Variants in GRID2 observed in about 807,000 individuals in gnomAD.
The protein encoded by GRID2 is glutamate receptor ionotropic, delta-2.
GRID2 carries 33 observed loss-of-function variants against 114.8 expected under a neutral mutation model. That is an observed-to-expected ratio of 0.29 (90% CI 0.22 to 0.38). The LOEUF (loss-of-function observed/expected upper bound fraction) is 0.38, where lower values mean the gene tolerates loss of function less well. GRID2 is among the 10% of genes least tolerant of loss of function. GRID2 has a pLI of 1.00. For synonymous variants in GRID2, 505 were observed against 449.9 expected (o/e 1.12, Z -1.55); for missense variants, 1,184 against 1,257.7 (o/e 0.94, Z 0.89).
At chr4:92,404,463 G>T (rs1730935796) in intron 1 of GRID2, among the ~76,000 whole-genome samples, 1 of 152,128 alleles carries the variant, frequency 6.6e-6, no homozygotes, top group East Asian at 1.9e-4. Context: ...CAACCATTGT[G>T]GAAGACAGTG....
chr4:92,407,186 T>C (rs1485118645), intron 1 of GRID2, among the ~76,000 whole-genome samples: 4 of 152,090 alleles, frequency 2.6e-5, no homozygotes, highest in African/African-American at 9.7e-5. Context: ...GCCCCCATAA[T>C]CCGAACACCT....
chr4:93,256,294 A>G (rs1344123330), intron 8 of GRID2, among the ~76,000 whole-genome samples: 1 of 152,012 alleles, frequency 6.6e-6, no homozygotes, highest in Non-Finnish European at 1.5e-5. Flanking sequence ...TAACAGAAAT[A>G]TATTTTGATT....
chr4:93,447,376 T>G (rs759318631), intron 10 of GRID2, among the ~76,000 whole-genome samples: 27 of 152,072 alleles, frequency 1.8e-4, no homozygotes, highest in Admixed American at 3.3e-4. Context: ...TAGGGTTAAT[T>G]GAAGGGAAAA....
chr4:93,185,320 A>G (rs1740300587), intron 4 of GRID2, among the ~76,000 whole-genome samples: 1 of 152,206 alleles, frequency 6.6e-6, no homozygotes, highest in Non-Finnish European at 1.5e-5. Flanking sequence ...CTGTGATAAA[A>G]TAGTGGTTCC....
chr4:92,871,529 A>G (rs1024415973), intron 2 of GRID2, among the ~76,000 whole-genome samples: 1 of 152,194 alleles, frequency 6.6e-6, no homozygotes, highest in Non-Finnish European at 1.5e-5. Flanking sequence ...ATGTCCTGGT[A>G]TTTATGCCAG....
At chr4:93,111,636 C>A (rs905664258) in intron 4 of GRID2, among the ~76,000 whole-genome samples, 7 of 151,972 alleles carry the variant, frequency 4.6e-5, no homozygotes, top group African/African-American at 4.8e-5. Flanking sequence ...TCTTTTTGCC[C>A]CACTTCAAGT....
intron 2 of GRID2, among the ~76,000 whole-genome samples, chr4:92,923,652 A>G (rs1407660637): frequency 6.6e-6 from 1 of 152,220 alleles, no homozygotes; most frequent in African/African-American, 2.4e-5. Flanking sequence ...ACTGGGGAGT[A>G]GATACATTAT....
chr4:93,187,669 C>G lies in GRID2; in HGVS notation c.736-19735C>G, dbSNP rs1180326890. Among the ~76,000 whole-genome samples, 4 of 152,244 alleles carry G rather than the reference C, an allele frequency of 2.6e-5. No individual in the cohort carries two copies. In the East Asian group the frequency reaches 7.7e-4, roughly 29 times the overall value. On this transcript the variant is annotated intron_variant, in intron 4 of 15. Transcript: ENST00000282020. The stretch of plus-strand genomic sequence containing the variant: ...ATCTAAATCAGATATGGGTGTGACT[C>G]AAGATGGGAATTATCCTGAGGCAAA...
chr4:93,182,757 G>T (rs976021524), intron 4 of GRID2, among the ~76,000 whole-genome samples: 1 of 152,160 alleles, frequency 6.6e-6, no homozygotes, highest in African/African-American at 2.4e-5. Flanking sequence ...TAGAATTGTT[G>T]CCAAAGCCTA....
chr4:93,753,984 A>G (rs1465916465), intron 14 of GRID2, among the ~76,000 whole-genome samples: 1 of 152,222 alleles, frequency 6.6e-6, no homozygotes, highest in Admixed American at 6.5e-5. Flanking sequence ...AACATCGCAG[A>G]GTGTACTTAC....
intron 13 of GRID2, among the ~76,000 whole-genome samples, chr4:93,593,594 G>A (rs367879819): frequency 2.7e-5 from 4 of 149,042 alleles, no homozygotes; most frequent in African/African-American, 5.0e-5. Context: ...GAATCTGAAC[G>A]TTGGCCTGCC....
chr4:92,546,146 A>G (rs865862194), intron 1 of GRID2, among the ~76,000 whole-genome samples: 5 of 152,138 alleles, frequency 3.3e-5, no homozygotes, highest in Non-Finnish European at 5.9e-5. Context: ...AAGCTGCTCA[A>G]CCTTTACAAT....
Position 92,651,813 on chromosome 4 carries a change from A to G in GRID2, c.244+61527A>G, listed in dbSNP as rs368832127. ...TTCCTGTTACAACTGTCATTCAGCT[A>G]TGTCCCAGAGTGGGGTTGTAGTACT... On this transcript the variant is annotated intron_variant, in intron 2 of 15. Coordinates refer to ENST00000282020, the MANE Select transcript of GRID2 (RefSeq NM_001510.4). Among the ~76,000 whole-genome samples the G allele has an allele frequency of 3.3e-5, 5 of 152,244 alleles. No individual in the cohort carries two copies. In the East Asian group the frequency reaches 9.7e-4, roughly 29 times the overall value.
intron 9 of GRID2, among the ~76,000 whole-genome samples, chr4:93,412,958 G>A (rs1767352565): frequency 1.3e-5 from 2 of 152,280 alleles, no homozygotes; most frequent in East Asian, 1.9e-4. Context: ...AGTATTCCAC[G>A]ATGTGTAAGT....
intron 2 of GRID2, among the ~76,000 whole-genome samples, chr4:92,720,756 A>G (rs528051047): frequency 6.6e-6 from 1 of 152,210 alleles, no homozygotes; most frequent in East Asian, 1.9e-4. Context: ...TCTTCTGAGT[A>G]CAAGCCATCA....
intron 2 of GRID2, among the ~76,000 whole-genome samples, chr4:92,779,190 G>A (rs926855185): frequency 6.7e-6 from 1 of 150,332 alleles, no homozygotes; most frequent in Non-Finnish European, 1.5e-5. Flanking sequence ...AAGTAAATGT[G>A]TGTGTGTGTG....
chr4:92,936,290 T>C (rs544991188), intron 2 of GRID2, among the ~76,000 whole-genome samples: 3 of 146,632 alleles, frequency 2.0e-5, no homozygotes, highest in South Asian at 4.6e-4. Context: ...TCCTTTCAAA[T>C]TGATTAAATG....
intron 13 of GRID2, among the ~76,000 whole-genome samples, chr4:93,565,402 C>G (rs1012640761): frequency 6.6e-6 from 1 of 152,034 alleles, no homozygotes; most frequent in Non-Finnish European, 1.5e-5. Flanking sequence ...TTTCTTACCA[C>G]TGCAAATGAA....
At chr4:93,617,159 AGAGGCCAACAC>A (rs1382581692) in intron 13 of GRID2, among the ~76,000 whole-genome samples, 12 of 152,344 alleles carry the variant, frequency 7.9e-5, no homozygotes, top group African/African-American at 2.9e-4. Context: ...CTATAGAGTA[AGAGGCCAACAC>A]GTCTGTTAGC....
Sources: allele counts gnomAD v4.1 joint callset (sites outside exome capture counted in the v4.1 genomes callset), GRCh38; gene constraint gnomAD v4.1.1; transcripts MANE v1.5; gene names NCBI Gene and HGNC (gene_info 2026-07-23, HGNC 2026-07-21).